Variants in HS6ST3 observed in about 807,000 individuals in gnomAD.
The protein encoded by HS6ST3 is heparan-sulfate 6-O-sulfotransferase 3.
A neutral mutation model predicts 36.7 loss-of-function variants in HS6ST3; 12 were observed. That is an observed-to-expected ratio of 0.33 (90% CI 0.21 to 0.53). HS6ST3 has a LOEUF of 0.53. HS6ST3 is among the 20% of genes least tolerant of loss of function. The probability of loss-of-function intolerance (pLI) is 0.95; values close to 1 mark genes in which losing one functional copy is unlikely to be tolerated. For synonymous variants in HS6ST3, 240 were observed against 257.5 expected (o/e 0.93, Z 0.65); for missense variants, 584 against 640.9 (o/e 0.91, Z 0.96).
intron 1 of HS6ST3, among the ~76,000 whole-genome samples, chr13:96,708,671 G>A (rs2138459014): frequency 6.6e-6 from 1 of 152,190 alleles, no homozygotes; most frequent in African/African-American, 2.4e-5. Flanking sequence ...ATCCACAGAG[G>A]AAAAATCTCC....
chr13:96,646,832 G>A (rs1242429369), intron 1 of HS6ST3, among the ~76,000 whole-genome samples: 1 of 151,936 alleles, frequency 6.6e-6, no homozygotes, highest in Non-Finnish European at 1.5e-5. Flanking sequence ...CTGGATTTTC[G>A]ATCGGGGAAA....
chr13:96,758,281 A>G (rs1294858893), intron 1 of HS6ST3, among the ~76,000 whole-genome samples: 1 of 151,908 alleles, frequency 6.6e-6, no homozygotes, highest in Non-Finnish European at 1.5e-5. Context: ...TATTTAGTCT[A>G]TCATTTATAA....
chr13:96,719,869 T>C (rs1366698334), intron 1 of HS6ST3, among the ~76,000 whole-genome samples: 1 of 152,216 alleles, frequency 6.6e-6, no homozygotes, highest in Non-Finnish European at 1.5e-5. Context: ...CCTGTCTCCC[T>C]AATGTGTTCA....
intron 1 of HS6ST3, among the ~76,000 whole-genome samples, chr13:96,697,239 A>ATG (rs1201266330): frequency 6.6e-6 from 1 of 151,828 alleles, no homozygotes; most frequent in African/African-American, 2.4e-5. Flanking sequence ...AAATATATAA[A>ATG]TGTGTGTGTG....
At chr13:96,167,536 G>A (rs1396986458) in intron 1 of HS6ST3, among the ~76,000 whole-genome samples, 1 of 152,146 alleles carries the variant, frequency 6.6e-6, no homozygotes, top group Non-Finnish European at 1.5e-5. Flanking sequence ...GGCTGCAAGA[G>A]GTCAGATCAT....
chr13:96,181,277 G>C (rs542678225), intron 1 of HS6ST3, among the ~76,000 whole-genome samples: 2 of 152,196 alleles, frequency 1.3e-5, no homozygotes, highest in South Asian at 4.2e-4. Context: ...TCAACTGTGA[G>C]AAACTTCAGA....
chr13:96,816,284 A>C (rs1340994247), intron 1 of HS6ST3, among the ~76,000 whole-genome samples: 1 of 152,222 alleles, frequency 6.6e-6, no homozygotes, highest in Non-Finnish European at 1.5e-5. Context: ...GACTGAGGCA[A>C]ATTAAGAGGG....
At chr13:96,423,544 G>A (rs2055571414) in intron 1 of HS6ST3, among the ~76,000 whole-genome samples, 1 of 151,524 alleles carries the variant, frequency 6.6e-6, no homozygotes, top group African/African-American at 2.4e-5. Flanking sequence ...GTGACATTTG[G>A]GTACCTGGAA....
intron 1 of HS6ST3, among the ~76,000 whole-genome samples, chr13:96,126,237 C>T (rs1191910254): frequency 6.6e-6 from 1 of 152,090 alleles, no homozygotes; most frequent in Non-Finnish European, 1.5e-5. Context: ...CTAGTAGGGG[C>T]CATGTGGTTT....
chr13:96,420,947 A>G (rs1214337178), intron 1 of HS6ST3, among the ~76,000 whole-genome samples: 2 of 152,172 alleles, frequency 1.3e-5, no homozygotes, highest in African/African-American at 4.8e-5. Flanking sequence ...CTACTCCATT[A>G]CCACCTTTCA....
chr13:96,394,371 C>G (rs2055410577), intron 1 of HS6ST3, among the ~76,000 whole-genome samples: 1 of 151,888 alleles, frequency 6.6e-6, no homozygotes, highest in African/African-American at 2.4e-5. Flanking sequence ...ACTAGCACGT[C>G]TTGAGATAAG....
At position 96,833,009 on chromosome 13, in the gene HS6ST3, G is replaced by C; in HGVS notation, c.1227G>C (p.Glu409Asp). ...ACTTCCTGGACATGCAGCTTTACGA[G>C]TATGCAAAAGATCTCTTCCAGCAGC... is the stretch of plus-strand genomic sequence containing the variant. ...DLNFLDMQLY[E>D]YAKDLFQQRY... is the part of the protein sequence containing the mutation. The change falls in exon 2 of 2, where the codon GAG (glutamate) becomes GAC (aspartate). Residue 409 changes from glutamate to aspartate, a missense_variant. Transcript: ENST00000376705. 2 of 1,614,054 alleles carry C rather than the reference G, an allele frequency of 1.2e-6. No individual in the cohort carries two copies. Among genetic ancestry groups the C allele is most frequent in the South Asian group, 1.1e-5 (1 of 91,076 alleles).
chr13:96,621,621 C>T (rs1450654745), intron 1 of HS6ST3, among the ~76,000 whole-genome samples: 1 of 152,174 alleles, frequency 6.6e-6, no homozygotes, highest in South Asian at 2.1e-4. Context: ...GGTGCTATTA[C>T]CAACCCAAAC....
chr13:96,384,508 G>C (rs2055357704), intron 1 of HS6ST3, among the ~76,000 whole-genome samples: 1 of 152,110 alleles, frequency 6.6e-6, no homozygotes, highest in Non-Finnish European at 1.5e-5. Flanking sequence ...TTGCTAATAA[G>C]TGTCCATTGC....
intron 1 of HS6ST3, among the ~76,000 whole-genome samples, chr13:96,402,793 C>G (rs1173851855): frequency 1.3e-5 from 2 of 152,102 alleles, no homozygotes; most frequent in African/African-American, 4.8e-5. Flanking sequence ...TATGACTATA[C>G]AATTTGTTTA....
chr13:96,365,187 T>A (rs2055257071), intron 1 of HS6ST3, among the ~76,000 whole-genome samples: 1 of 152,188 alleles, frequency 6.6e-6, no homozygotes, highest in Non-Finnish European at 1.5e-5. Flanking sequence ...TGGGCAGAGA[T>A]GTTTTAGATG....
intron 1 of HS6ST3, among the ~76,000 whole-genome samples, chr13:96,695,731 C>T (rs2097795126): frequency 6.6e-6 from 1 of 151,890 alleles, no homozygotes; most frequent in Non-Finnish European, 1.5e-5. Context: ...GCCACCATAC[C>T]CAGCCAGTAT....
At chr13:96,547,839 G>A (rs931177531) in intron 1 of HS6ST3, among the ~76,000 whole-genome samples, 3 of 151,932 alleles carry the variant, frequency 2.0e-5, no homozygotes, top group Non-Finnish European at 2.9e-5. Context: ...TGGCTTAAAC[G>A]ACTTAACAGT....
intron 1 of HS6ST3, among the ~76,000 whole-genome samples, chr13:96,474,350 G>A (rs528197843): frequency 6.6e-6 from 1 of 152,198 alleles, no homozygotes; most frequent in African/African-American, 2.4e-5. Flanking sequence ...CATTGAGTAG[G>A]TTAGCTTAGG....
Sources: allele counts gnomAD v4.1 joint callset (sites outside exome capture counted in the v4.1 genomes callset), GRCh38; gene constraint gnomAD v4.1.1; transcripts MANE v1.5; gene names NCBI Gene and HGNC (gene_info 2026-07-23, HGNC 2026-07-21).